Variants in EXOC5 observed in about 807,000 individuals in gnomAD.
EXOC5 encodes the protein SEC10-like 1.
EXOC5 carries 17 observed loss-of-function variants against 90.8 expected under a neutral mutation model. The observed-to-expected ratio is 0.19, with a 90% CI of 0.13 to 0.28. EXOC5 has a LOEUF of 0.28. EXOC5 is among the 10% of genes least tolerant of loss of function. The pLI is 1.00. For synonymous variants in EXOC5, 260 were observed against 270.0 expected, an observed-to-expected ratio of 0.96 and a Z score of 0.36; for missense variants, 569 against 830.6, an observed-to-expected ratio of 0.69 and a Z score of 3.87.
chr14:57,253,540 C>T (rs151205864), intron 1 of EXOC5, among the ~76,000 whole-genome samples: 35 of 152,170 alleles, frequency 2.3e-4, no homozygotes, highest in Non-Finnish European at 4.9e-4. Flanking sequence ...AGACAAACCC[C>T]GAAGAGCACA....
chr14:57,264,102 C>A (rs1172274898), intron 1 of EXOC5, among the ~76,000 whole-genome samples: 1 of 152,164 alleles, frequency 6.6e-6, no homozygotes, highest in Non-Finnish European at 1.5e-5. Flanking sequence ...AACTCTAGTA[C>A]CTGGAATGTC....
chr14:57,247,445 C>A (rs1201400899), intron 2 of EXOC5, among the ~76,000 whole-genome samples, 173 bp downstream of exon 2: 1 of 151,984 alleles, frequency 6.6e-6, no homozygotes, highest in African/African-American at 2.4e-5. Context: ...TTTAAAAGAA[C>A]GTCAAAGAAA....
rs1240272441 is a variant in EXOC5 at position 57,246,726 on chromosome 14, C to T, written c.255G>A (p.Leu85=). 1 of 1,610,458 alleles carries T rather than the reference C, an allele frequency of 6.2e-7. No individual in the cohort carries two copies. The highest frequency in any genetic ancestry group is 8.5e-7 in the Non-Finnish European group (1 of 1,179,230). The part of the protein sequence containing the change: ...AKEFAKKVQE[L]QKSNQVAFQH... Reference sequence around the variant, plus strand: ...AAACGTTTACCTGATTGCTTTTCTGCAGCTCTTGTACCTTCTTGGCAAATT... The same window carrying T: ...AAACGTTTACCTGATTGCTTTTCTGTAGCTCTTGTACCTTCTTGGCAAATT... The change falls in exon 3 of 18, where the codon CTG becomes CTA. Residue 85 remains leucine (L), a synonymous_variant. Coordinates refer to ENST00000621441, the MANE Select transcript of EXOC5 (RefSeq NM_006544.4).
At chr14:57,219,879 C>T (rs1883076748) in intron 13 of EXOC5, among the ~76,000 whole-genome samples, 1 of 152,050 alleles carries the variant, frequency 6.6e-6, no homozygotes, top group African/African-American at 2.4e-5. Flanking sequence ...CAAAAATACT[C>T]AAAATGTCCT....
intron 12 of EXOC5, among the ~76,000 whole-genome samples, chr14:57,228,980 T>G (rs777294741): frequency 6.6e-6 from 1 of 152,186 alleles, no homozygotes; most frequent in African/African-American, 2.4e-5. Context: ...CTCTGACTTA[T>G]CTGTTTATTT....
intron 1 of EXOC5, among the ~76,000 whole-genome samples, chr14:57,257,842 AG>A: frequency 6.6e-6 from 1 of 152,286 alleles, no homozygotes; most frequent in East Asian, 1.9e-4. Flanking sequence ...TCCTCCCAAA[AG>A]ACTTCTCAAA....
intron 1 of EXOC5, among the ~76,000 whole-genome samples, chr14:57,262,347 C>T (rs890575195): frequency 1.3e-5 from 2 of 152,014 alleles, no homozygotes; most frequent in East Asian, 1.9e-4. Flanking sequence ...GCCAAGATCA[C>T]ACAACTAGTA....
intron 3 of EXOC5, among the ~76,000 whole-genome samples, chr14:57,245,601 T>A (rs1370001386): frequency 1.3e-5 from 2 of 152,182 alleles, no homozygotes; most frequent in Non-Finnish European, 2.9e-5. Context: ...TTCCTTATCT[T>A]AAATTACTGA....
At chr14:57,255,287 T>C (rs1029158847) in intron 1 of EXOC5, among the ~76,000 whole-genome samples, 3 of 152,146 alleles carry the variant, frequency 2.0e-5, no homozygotes, top group East Asian at 1.9e-4. Flanking sequence ...GCAAGTTGAC[T>C]ACACTGGGCC....
chr14:57,214,611 G>T (rs1214944691), intron 15 of EXOC5, among the ~76,000 whole-genome samples: 2 of 152,084 alleles, frequency 1.3e-5, no homozygotes, highest in African/African-American at 2.4e-5. Context: ...TGAGAGCATA[G>T]ATTTGCAGTG....
intron 1 of EXOC5, among the ~76,000 whole-genome samples, chr14:57,248,618 A>C (rs1283469119): frequency 6.6e-6 from 1 of 152,110 alleles, no homozygotes; most frequent in African/African-American, 2.4e-5. Context: ...TTTTTAGACT[A>C]ATACACACTA....
intron 1 of EXOC5, among the ~76,000 whole-genome samples, chr14:57,249,805 CTT>C (rs771578223): frequency 1.3e-5 from 2 of 152,032 alleles, no homozygotes; most frequent in African/African-American, 4.8e-5. Flanking sequence ...GAGTTTCGCT[CTT>C]GTTGCCCAGG....
At chr14:57,213,323 A>G (rs1225404631) in intron 15 of EXOC5, among the ~76,000 whole-genome samples, 1 of 151,212 alleles carries the variant, frequency 6.6e-6, no homozygotes, top group Non-Finnish European at 1.5e-5. Context: ...TCAAAGTTGC[A>G]GTGAACTATG....
At chr14:57,222,481 T>C (rs1335758670) in intron 12 of EXOC5, 65 bp from the exon 13 acceptor site, 1 of 849,386 alleles carries the variant, frequency 1.2e-6, no homozygotes, top group Non-Finnish European at 1.9e-6. Context: ...CAATTTTTTT[T>C]AAGCAATCAA....
At chr14:57,229,537 TATAA>T (rs1484200637) in intron 12 of EXOC5, among the ~76,000 whole-genome samples, 193 bp downstream of exon 12, 1 of 152,140 alleles carries the variant, frequency 6.6e-6, no homozygotes, top group Non-Finnish European at 1.5e-5. Flanking sequence ...TAATAATATA[TATAA>T]ATAATTATAA....
intron 4 of EXOC5, among the ~76,000 whole-genome samples, chr14:57,242,293 G>A (rs1490228299): frequency 1.3e-5 from 2 of 151,868 alleles, no homozygotes; most frequent in East Asian, 1.9e-4. Context: ...CACCCAGGCT[G>A]GAGTGCAGTG....
intron 13 of EXOC5, among the ~76,000 whole-genome samples, chr14:57,219,973 C>T (rs746922969): frequency 6.6e-6 from 1 of 151,996 alleles, no homozygotes; most frequent in East Asian, 1.9e-4. Context: ...ATATTCTGAC[C>T]TCAAAATGTC....
At chr14:57,214,159 G>T (rs1470215513) in intron 15 of EXOC5, among the ~76,000 whole-genome samples, 2 of 152,024 alleles carry the variant, frequency 1.3e-5, no homozygotes. Flanking sequence ...ACCTACCATT[G>T]GCATGTCCAG....
chr14:57,237,463 T>C (rs1250137262), intron 5 of EXOC5, 97 bp from the exon 6 acceptor site: 1 of 726,750 alleles, frequency 1.4e-6, no homozygotes, highest in South Asian at 1.7e-5. Flanking sequence ...GTGCAGGAGA[T>C]ACGAGAACCA....
Sources: allele counts gnomAD v4.1 joint callset (sites outside exome capture counted in the v4.1 genomes callset), GRCh38; gene constraint gnomAD v4.1.1; transcripts MANE v1.5; gene names NCBI Gene and HGNC (gene_info 2026-07-23, HGNC 2026-07-21).